RBFOX1: variants seen among roughly 807,000 people sequenced by gnomAD.
The protein encoded by RBFOX1 is RNA binding fox-1 homolog 1.
RBFOX1 carries 8 observed loss-of-function variants against 57.7 expected under a neutral mutation model. The observed-to-expected ratio is 0.14, with a 90% CI of 0.08 to 0.25. The LOEUF is 0.25. Ranked by LOEUF, RBFOX1 falls within the 10% of genes least tolerant of loss-of-function variation. The probability of loss-of-function intolerance (pLI) is 1.00; values close to 1 mark genes in which losing one functional copy is unlikely to be tolerated. For missense variants in RBFOX1, 611 were observed against 548.5 expected (o/e 1.11, Z -1.14); for synonymous variants, 326 against 222.4 (o/e 1.47, Z -4.15).
At chr16:6,610,985 C>T (rs543221638) in intron 2 of RBFOX1, among the ~76,000 whole-genome samples, 2 of 152,214 alleles carry the variant, frequency 1.3e-5, no homozygotes, top group Middle Eastern at 6.8e-3. Context: ...CAACTTTTTC[C>T]TTAGCTGGAG....
intron 1 of RBFOX1, among the ~76,000 whole-genome samples, chr16:5,301,111 G>C (rs1212895724): frequency 2.0e-5 from 3 of 152,178 alleles, no homozygotes; most frequent in Admixed American, 6.5e-5. Flanking sequence ...TGGAGAAAAT[G>C]ATGGGATGTT....
chr16:6,687,093 T>G (rs539836836), intron 3 of RBFOX1, among the ~76,000 whole-genome samples: 1 of 152,322 alleles, frequency 6.6e-6, no homozygotes, highest in East Asian at 1.9e-4. Context: ...AGAATCACAC[T>G]TACAGATGAA....
At chr16:6,287,313 A>G (rs1978316) in intron 1 of RBFOX1, among the ~76,000 whole-genome samples, 122,191 of 152,094 alleles carry the variant, frequency 0.8, 49,252 homozygotes, top group East Asian at 0.99. Flanking sequence ...TGCCAGCTCT[A>G]TCTTGTCTAT....
intron 2 of RBFOX1, among the ~76,000 whole-genome samples, chr16:6,536,822 A>G (rs1016058939): frequency 1.3e-5 from 2 of 152,206 alleles, no homozygotes; most frequent in African/African-American, 2.4e-5. Flanking sequence ...TCAGTGGTGC[A>G]TTCCTGTGGC....
chr16:6,938,305 C>G (rs1162854343), intron 3 of RBFOX1, among the ~76,000 whole-genome samples: 1 of 152,030 alleles, frequency 6.6e-6, no homozygotes, highest in African/African-American at 2.4e-5. Context: ...GGTATCGTCA[C>G]AAGGAAAGTA....
intron 3 of RBFOX1, among the ~76,000 whole-genome samples, chr16:6,908,308 A>G (rs1434427270): frequency 1.3e-5 from 2 of 151,574 alleles, no homozygotes; most frequent in Non-Finnish European, 3.0e-5. Flanking sequence ...CCAGCCTCTG[A>G]CCATGGCTTG....
At chr16:6,068,547 A>T (rs1193043426) in intron 1 of RBFOX1, among the ~76,000 whole-genome samples, 1 of 152,160 alleles carries the variant, frequency 6.6e-6, no homozygotes, top group African/African-American at 2.4e-5. Flanking sequence ...AGGTATCCAC[A>T]AACAAGTTTA....
chr16:5,768,589 G>T (rs1383298577), intron 3 of RBFOX1, among the ~76,000 whole-genome samples: 2 of 152,130 alleles, frequency 1.3e-5, no homozygotes, highest in Non-Finnish European at 2.9e-5. Context: ...CTACCAGGTG[G>T]TAGCATTTAT....
At chr16:6,643,523 A>C (rs915432832) in intron 2 of RBFOX1, among the ~76,000 whole-genome samples, 1 of 152,178 alleles carries the variant, frequency 6.6e-6, no homozygotes, top group African/African-American at 2.4e-5. Context: ...ATTTTTACCA[A>C]CATCAGAGTT....
intron 3 of RBFOX1, among the ~76,000 whole-genome samples, chr16:6,735,747 A>G (rs889163733): frequency 1.3e-5 from 2 of 152,210 alleles, no homozygotes; most frequent in Non-Finnish European, 2.9e-5. Flanking sequence ...GGAGTCTACC[A>G]TGATAGTTCC....
chr16:6,329,743 C>A (rs2082782262), intron 2 of RBFOX1, among the ~76,000 whole-genome samples: 1 of 152,064 alleles, frequency 6.6e-6, no homozygotes, highest in Non-Finnish European at 1.5e-5. Flanking sequence ...ACCAGCCAAG[C>A]CAACATGGTC....
rs145365835 is a variant in RBFOX1, at chr16:5,373,502, C to T, written c.220-93714C>T. Among the ~76,000 whole-genome samples the T allele has an allele frequency of 4.5e-3, 683 of 152,262 alleles. 5 individuals are homozygous for T. The highest frequency in any genetic ancestry group is 0.016 in the African/African-American group (664 of 41,534). On this transcript the variant is annotated intron_variant, in intron 1 of 2. Transcript: ENST00000585867. ...TCCTCCTCTGCCCATGTAAGACGCACCTGTTCCCTCTTTGCCTTCCACCCC... is the reference window on the plus strand; with the variant it reads ...TCCTCCTCTGCCCATGTAAGACGCATCTGTTCCCTCTTTGCCTTCCACCCC...
chr16:7,095,492 T>C (rs571645006), intron 4 of RBFOX1, among the ~76,000 whole-genome samples: 1 of 152,216 alleles, frequency 6.6e-6, no homozygotes, highest in African/African-American at 2.4e-5. Flanking sequence ...GCTTAATTTT[T>C]ATCTGTGATG....
At chr16:6,484,875 C>A (rs60532776) in intron 2 of RBFOX1, among the ~76,000 whole-genome samples, 2,020 of 152,272 alleles carry the variant, frequency 0.013, 49 homozygotes, top group African/African-American at 0.045. Context: ...TTTGGTTACA[C>A]AGAAATGAAT....
Position 7,585,803 on chromosome 16 carries a change from C to G in RBFOX1, c.415-1444C>G, listed in dbSNP as rs566569707. ...TTGTTTCTTGAATGTTAGTAGGACC[C>G]TCTTGACATTCACTCTCTGTGTCTC... is the stretch of plus-strand genomic sequence containing the variant. On this transcript the variant is annotated intron_variant, in intron 6 of 15. Coordinates refer to ENST00000550418, the MANE Select transcript of RBFOX1 (RefSeq NM_018723.4). Among the ~76,000 whole-genome samples, 9 of 152,262 alleles carry G rather than the reference C, an allele frequency of 5.9e-5. No homozygotes were observed. The East Asian group carries it at 1.7e-3, about 29-fold the overall frequency.
chr16:7,088,127 A>C (rs1304004184), intron 4 of RBFOX1, among the ~76,000 whole-genome samples: 1 of 152,192 alleles, frequency 6.6e-6, no homozygotes, highest in Non-Finnish European at 1.5e-5. Flanking sequence ...ATGACAAAAA[A>C]ATGTGTATGT....
intron 3 of RBFOX1, among the ~76,000 whole-genome samples, chr16:5,607,559 G>A (rs775427354): frequency 2.0e-5 from 3 of 152,176 alleles, no homozygotes; most frequent in Non-Finnish European, 4.4e-5. Context: ...GATGGGGAGT[G>A]AAGGTCTTTT....
At chr16:5,696,385 C>T (rs2151471716) in intron 3 of RBFOX1, among the ~76,000 whole-genome samples, 1 of 152,298 alleles carries the variant, frequency 6.6e-6, no homozygotes, top group South Asian at 2.1e-4. Context: ...TGTATGATTA[C>T]AGCAGAATTT....
intron 1 of RBFOX1, among the ~76,000 whole-genome samples, chr16:6,272,561 C>CT (rs917983089): frequency 6.6e-6 from 1 of 152,074 alleles, no homozygotes; most frequent in African/African-American, 2.4e-5. Flanking sequence ...TCCCGGTAAG[C>CT]TTTTTTGTGG....
Sources: gnomAD v4.1 joint callset for allele counts (sites outside exome capture counted in the v4.1 genomes callset) on GRCh38, gnomAD v4.1.1 for gene constraint, MANE v1.5 for transcripts, NCBI Gene and HGNC (gene_info 2026-07-23, HGNC 2026-07-21) for gene names.